The following AADAT variants were observed in gnomAD, a reference collection of about 807,000 sequenced individuals.
AADAT encodes kynurenine/alpha-aminoadipate aminotransferase, mitochondrial.
A neutral mutation model predicts 56.2 loss-of-function variants in AADAT; 25 were observed. The ratio of observed to expected loss-of-function variants is 0.44; its 90% CI spans 0.32 to 0.62. The LOEUF (loss-of-function observed/expected upper bound fraction) is 0.62. AADAT is among the 20% of genes least tolerant of loss of function. AADAT has a pLI of 0.04. For synonymous variants in AADAT, 173 were observed against 164.7 expected (o/e 1.05, Z -0.39); for missense variants, 387 against 510.5 (o/e 0.76, Z 2.33).
chr4:170,086,030 T>C (rs1732543882), intron 3 of AADAT, among the ~76,000 whole-genome samples: 1 of 151,888 alleles, frequency 6.6e-6, no homozygotes, highest in Admixed American at 6.5e-5. Flanking sequence ...GAGGCCAAGG[T>C]GGACAGACTG....
intron 3 of AADAT, among the ~76,000 whole-genome samples, chr4:170,081,987 C>T (rs1254250695): frequency 6.6e-6 from 1 of 152,198 alleles, no homozygotes; most frequent in Non-Finnish European, 1.5e-5. Context: ...TTTACCACCA[C>T]CAGATCCATC....
At position 170,089,804 on chromosome 4, in the gene AADAT, G is replaced by T; in HGVS notation, c.-114C>A. The T allele has an allele frequency of 1.9e-6, 2 of 1,072,014 alleles. No individual in the cohort carries two copies. The highest frequency in any genetic ancestry group is 2.8e-6 in the Non-Finnish European group (2 of 721,794). 66.4% of individuals were successfully genotyped at this position (1,072,014 alleles called of 1,614,324 possible). A position where few individuals can be genotyped will look rare whatever the true frequency, so the allele number is the denominator to read the frequency against. On this transcript the variant is annotated 5_prime_UTR_variant, in exon 1 of 13. Coordinates refer to ENST00000337664, the MANE Select transcript of AADAT (RefSeq NM_016228.4). ...CCTCACTCTGGCAACGCCACCGCGA[G>T]ATGTGTCCCCCCGCTGCGTCTGGCT...
chr4:170,085,902 A>C (rs974464657), intron 3 of AADAT, among the ~76,000 whole-genome samples: 3 of 152,160 alleles, frequency 2.0e-5, no homozygotes, highest in Admixed American at 1.3e-4. Flanking sequence ...GAAAAAGAAA[A>C]CTACTCTGGT....
At chr4:170,074,032 C>G (rs1731919617) in intron 4 of AADAT, among the ~76,000 whole-genome samples, 1 of 152,124 alleles carries the variant, frequency 6.6e-6, no homozygotes, top group African/African-American at 2.4e-5. Context: ...GAGATTGCTT[C>G]TGTCAATCTG....
intron 5 of AADAT, among the ~76,000 whole-genome samples, chr4:170,072,098 C>T (rs529217598): frequency 1.3e-5 from 2 of 152,036 alleles, no homozygotes; most frequent in South Asian, 2.1e-4. Flanking sequence ...TGCCGGTCAT[C>T]GTGTACGTAA....
upstream of AADAT, chr4:170,091,639 G>C (rs1242098079): frequency 6.5e-6 from 1 of 152,968 alleles, no homozygotes; most frequent in East Asian, 1.9e-4. Flanking sequence ...GGACTGGCAG[G>C]CAGCTCCACC....
chr4:170,079,031 A>T (rs1185500981), intron 3 of AADAT, among the ~76,000 whole-genome samples: 1 of 152,238 alleles, frequency 6.6e-6, no homozygotes, highest in East Asian at 1.9e-4. Context: ...ATAAAATAGC[A>T]AAATGACATG....
upstream of AADAT, among the ~76,000 whole-genome samples, chr4:170,092,275 A>G (rs897035127): frequency 1.3e-5 from 2 of 152,238 alleles, no homozygotes; most frequent in African/African-American, 2.4e-5. Context: ...TATGAGTTGT[A>G]ACACTCACCG....
chr4:170,078,711 G>C, intron 3 of AADAT, 128 bp from the exon 4 acceptor site: 1 of 497,394 alleles, frequency 2.0e-6, no homozygotes, highest in South Asian at 4.1e-5. Context: ...GTTTATAAGG[G>C]GCCAAACAGT....
chr4:170,088,635 T>A, intron 1 of AADAT, 71 bp from the exon 2 acceptor site: 2 of 1,454,060 alleles, frequency 1.4e-6, no homozygotes, highest in East Asian at 2.3e-5. Flanking sequence ...AAGCATGCAT[T>A]ATAGTCAATA....
intron 11 of AADAT, among the ~76,000 whole-genome samples, chr4:170,063,256 A>C (rs777369066): frequency 6.6e-6 from 1 of 152,242 alleles, no homozygotes; most frequent in Non-Finnish European, 1.5e-5. Context: ...TCTCTTCACA[A>C]GATAACCAAC....
chr4:170,069,769 T>C (rs1413282530), intron 6 of AADAT, among the ~76,000 whole-genome samples: 2 of 152,062 alleles, frequency 1.3e-5, no homozygotes, highest in South Asian at 2.1e-4. Flanking sequence ...GGCATGCTGA[T>C]GGTGGGAGGC....
intron 10 of AADAT, among the ~76,000 whole-genome samples, chr4:170,065,458 C>G (rs776371890): frequency 6.6e-6 from 1 of 150,902 alleles, no homozygotes; most frequent in Non-Finnish European, 1.5e-5. Flanking sequence ...TTCTTCAGTA[C>G]TATTATGCAA....
intron 5 of AADAT, among the ~76,000 whole-genome samples, chr4:170,072,433 C>A (rs1731822897): frequency 6.6e-6 from 1 of 152,088 alleles, no homozygotes; most frequent in Non-Finnish European, 1.5e-5. Flanking sequence ...CTGCACCCAA[C>A]CTGAGGCAAT....
chr4:170,092,313 C>A (rs908766958), upstream of AADAT, among the ~76,000 whole-genome samples: 1 of 152,214 alleles, frequency 6.6e-6, no homozygotes, highest in Admixed American at 6.5e-5. Context: ...TCTCCTGAGG[C>A]CGTGGAGACC....
chr4:170,089,609 C>T lies in AADAT; in HGVS notation c.67+15G>A, dbSNP rs1366561340. 1 of 1,614,100 alleles carries T rather than the reference C, an allele frequency of 6.2e-7. No homozygotes were observed. Among genetic ancestry groups the T allele is most frequent in the South Asian group, 1.1e-5 (1 of 91,068 alleles). On this transcript the variant is annotated intron_variant, in intron 1 of 12. Coordinates refer to ENST00000337664, the MANE Select transcript of AADAT (RefSeq NM_016228.4). ...TGCCCCACCCCAAAGGAGAGATGGT[C>T]ACCCCGTTTCTCACTCATGGTCCGG...
chr4:170,074,286 T>A (rs745447495), intron 4 of AADAT, among the ~76,000 whole-genome samples: 3 of 152,008 alleles, frequency 2.0e-5, no homozygotes, highest in African/African-American at 4.8e-5. Flanking sequence ...AGGTTTGGGG[T>A]ACAATTGCTC....
intron 5 of AADAT, among the ~76,000 whole-genome samples, chr4:170,072,281 GTA>G (rs1271166147): frequency 1.4e-5 from 2 of 146,840 alleles, no homozygotes; most frequent in Admixed American, 6.8e-5. Flanking sequence ...GTGTGTGTGT[GTA>G]TATATATGTG....
chr4:170,073,466 G>C (rs1015657645), intron 4 of AADAT, 121 bp from the exon 5 acceptor site: 102 of 827,540 alleles, frequency 1.2e-4, no homozygotes, highest in Non-Finnish European at 1.8e-4. Context: ...ATATAAACCC[G>C]CAACCAGCTC....
Sources: gnomAD v4.1 joint callset for allele counts (sites outside exome capture counted in the v4.1 genomes callset) on GRCh38, gnomAD v4.1.1 for gene constraint, MANE v1.5 for transcripts, NCBI Gene and HGNC (gene_info 2026-07-23, HGNC 2026-07-21) for gene names.